The following PPP3R1 variants were observed in gnomAD, a reference collection of about 807,000 sequenced individuals.
PPP3R1 encodes calcineurin subunit B type 1.
PPP3R1 carries 5 observed loss-of-function variants against 22.6 expected under a neutral mutation model. That is an observed-to-expected ratio of 0.22 (90% CI 0.12 to 0.46). The LOEUF (loss-of-function observed/expected upper bound fraction) is 0.46, where lower values mean the gene tolerates loss of function less well. Ranked by LOEUF, PPP3R1 falls within the 20% of genes least tolerant of loss-of-function variation. The pLI is 0.99. For missense variants in PPP3R1, 61 were observed against 203.2 expected (o/e 0.30, Z 4.25); for synonymous variants, 56 against 65.2 (o/e 0.86, Z 0.68).
rs1019115372 is a variant in PPP3R1 at position 68,185,723 on chromosome 2, G to A, written c.465+745C>T. Among the ~76,000 whole-genome samples the A allele has an allele frequency of 3.9e-5, 6 of 152,178 alleles. No individual in the cohort carries two copies. In the East Asian group the frequency reaches 9.6e-4, roughly 24 times the overall value. On this transcript the variant is annotated intron_variant, in intron 5 of 5. Coordinates refer to ENST00000234310, the MANE Select transcript of PPP3R1 (RefSeq NM_000945.4). ...ATGGTGAAGGAGGTAAAACGGAAGG[G>A]ACAGAAATGGCTTGCGGTAGCGCCC...
chr2:68,230,011 C>CACACACACACACACACACACACAT (rs1421392496), intron 1 of PPP3R1, among the ~76,000 whole-genome samples: 4 of 139,564 alleles, frequency 2.9e-5, no homozygotes, highest in African/African-American at 8.2e-5. Context: ...CACACACACA[C>CACACACACACACACACACACACAT]ATATATATTT....
intron 2 of PPP3R1, among the ~76,000 whole-genome samples, chr2:68,212,507 C>G (rs1270750387): frequency 6.6e-6 from 1 of 152,210 alleles, no homozygotes; most frequent in Non-Finnish European, 1.5e-5. Flanking sequence ...ACTCTTTACT[C>G]CATGGGCTAC....
At chr2:68,195,491 T>C (rs1674748909) in intron 2 of PPP3R1, among the ~76,000 whole-genome samples, 1 of 152,124 alleles carries the variant, frequency 6.6e-6, no homozygotes, top group South Asian at 2.1e-4. Flanking sequence ...TCTTTTCCTT[T>C]GCAGTTAAAA....
chr2:68,236,031 G>C (rs537201153), intron 1 of PPP3R1, among the ~76,000 whole-genome samples: 4 of 152,056 alleles, frequency 2.6e-5, no homozygotes, highest in Non-Finnish European at 5.9e-5. Context: ...TTTAAATTGA[G>C]TTGTCTTTTT....
intron 1 of PPP3R1, among the ~76,000 whole-genome samples, chr2:68,227,637 A>G (rs1048871875): frequency 1.1e-4 from 16 of 152,148 alleles, no homozygotes; most frequent in Admixed American, 6.5e-4. Flanking sequence ...ATTACAATCT[A>G]TAACTTGAGT....
At chr2:68,197,548 A>G (rs1674812653) in intron 2 of PPP3R1, among the ~76,000 whole-genome samples, 1 of 152,160 alleles carries the variant, frequency 6.6e-6, no homozygotes. Flanking sequence ...TCAGTTTTCC[A>G]AAGTAATGTA....
intron 2 of PPP3R1, among the ~76,000 whole-genome samples, chr2:68,201,612 C>A (rs900249604): frequency 1.3e-5 from 2 of 152,202 alleles, no homozygotes; most frequent in Non-Finnish European, 2.9e-5. Flanking sequence ...AATTCCGTTT[C>A]TGGGGTCTCA....
chr2:68,187,872 CAA>C (rs35444760), intron 3 of PPP3R1, among the ~76,000 whole-genome samples: 28 of 150,152 alleles, frequency 1.9e-4, no homozygotes, highest in African/African-American at 5.6e-4. Context: ...TTAAAACAAA[CAA>C]AAAAAAAAAC....
At chr2:68,214,928 CATATACACCATGGTAT>C (rs1373853280) in intron 2 of PPP3R1, among the ~76,000 whole-genome samples, 3 of 152,094 alleles carry the variant, frequency 2.0e-5, no homozygotes, top group Non-Finnish European at 4.4e-5. Flanking sequence ...AAATGAGGTA[CATATACACCATGGTAT>C]ACTACGCAGC....
intron 2 of PPP3R1, among the ~76,000 whole-genome samples, chr2:68,216,703 A>T (rs10192179): frequency 0.75 from 113,297 of 151,996 alleles, 43,281 homozygotes; most frequent in African/African-American, 0.93. Flanking sequence ...CTTGGGAATA[A>T]GCATTAGAGA....
At position 68,250,225 on chromosome 2, in the gene PPP3R1, G is replaced by T. The variant is rs191713351; in HGVS notation, c.3+1900C>A. On this transcript the variant is annotated intron_variant, in intron 1 of 5. Transcript: ENST00000234310. ...GAGCTGGGAAGAAAAGGAACATAAT[G>T]ACCTGGCAGGAAACAACATCGTCTG... Among the ~76,000 whole-genome samples the T allele has an allele frequency of 1.3e-3, 202 of 151,318 alleles. 1 individual carries two copies. Among genetic ancestry groups the T allele is most frequent in the African/African-American group, 4.6e-3 (192 of 41,362 alleles).
rs960506859 is a variant in PPP3R1, at chr2:68,189,111, A to AC, written c.44-422_44-421insG. Among the ~76,000 whole-genome samples the AC allele has an allele frequency of 1.5e-4, 23 of 152,188 alleles. No individual in the cohort carries two copies. The East Asian group carries it at 4.0e-3, about 27-fold the overall frequency. The stretch of plus-strand genomic sequence containing the variant: ...CTGTTCTGTAAACCGAAGTACTTTC[A>AC]TTTTCATTTTTCTTGTTAAATTTTA... On this transcript the variant is annotated intron_variant, in intron 2 of 5. Transcript: ENST00000234310.
intron 2 of PPP3R1, among the ~76,000 whole-genome samples, chr2:68,216,348 C>T (rs1249180678): frequency 6.6e-6 from 1 of 151,920 alleles, no homozygotes; most frequent in Non-Finnish European, 1.5e-5. Context: ...TAGAAAAAGG[C>T]TTTAGACAAC....
At chr2:68,212,945 C>T (rs914846928) in intron 2 of PPP3R1, among the ~76,000 whole-genome samples, 26 of 152,232 alleles carry the variant, frequency 1.7e-4, no homozygotes, top group Admixed American at 1.6e-3. Flanking sequence ...TCTCCTTATA[C>T]TTGAAGAACC....
In PPP3R1 at chr2:68,178,867, A is replaced by G. The variant is rs1674342497; in HGVS notation, c.*2096T>C. Reference sequence around the variant, plus strand: ...CTGAATACATTCAAGCAAGTTTCAAATATTTTATTTTCTTATTCATACAGT... The same window carrying G: ...CTGAATACATTCAAGCAAGTTTCAAGTATTTTATTTTCTTATTCATACAGT... On this transcript the variant is annotated 3_prime_UTR_variant, in exon 6 of 6. Transcript: ENST00000234310. 1 of 152,586 alleles carries G rather than the reference A, an allele frequency of 6.6e-6. No homozygotes were observed. Among genetic ancestry groups the G allele is most frequent in the Non-Finnish European group, 1.5e-5 (1 of 68,030 alleles). 9.5% of individuals were successfully genotyped at this position (152,586 alleles called of 1,614,324 possible). A position where few individuals can be genotyped will look rare whatever the true frequency, so the allele number is the denominator to read the frequency against.
At chr2:68,212,403 A>T (rs2103764439) in intron 2 of PPP3R1, among the ~76,000 whole-genome samples, 1 of 152,282 alleles carries the variant, frequency 6.6e-6, no homozygotes, top group Non-Finnish European at 1.5e-5. Context: ...TCTTTAATGT[A>T]CTTTGCCCAG....
intron 1 of PPP3R1, among the ~76,000 whole-genome samples, chr2:68,240,470 G>A (rs1444439344): frequency 6.6e-6 from 1 of 152,106 alleles, no homozygotes; most frequent in East Asian, 1.9e-4. Flanking sequence ...CATTCTCACA[G>A]AGTTCACATT....
At chr2:68,193,138 T>C (rs1247904970) in intron 2 of PPP3R1, among the ~76,000 whole-genome samples, 1 of 152,138 alleles carries the variant, frequency 6.6e-6, no homozygotes, top group Admixed American at 6.5e-5. Context: ...TCTGGATGAG[T>C]AGTCAAAACT....
At chr2:68,211,683 T>C (rs950647485) in intron 2 of PPP3R1, among the ~76,000 whole-genome samples, 6 of 152,220 alleles carry the variant, frequency 3.9e-5, no homozygotes, top group Non-Finnish European at 8.8e-5. Flanking sequence ...GAGTCAATCT[T>C]TTCAAACCCT....
Sources: gnomAD v4.1 joint callset for allele counts (sites outside exome capture counted in the v4.1 genomes callset) on GRCh38, gnomAD v4.1.1 for gene constraint, MANE v1.5 for transcripts, NCBI Gene and HGNC (gene_info 2026-07-23, HGNC 2026-07-21) for gene names.